Variants in NXNL2 observed in about 807,000 individuals in gnomAD.
NXNL2 encodes nucleoredoxin-like protein 2.
Under a neutral mutation model 11.1 loss-of-function variants are expected in NXNL2, and 7 were observed. That is an observed-to-expected ratio of 0.63 (90% confidence interval 0.36 to 1.18). The LOEUF (loss-of-function observed/expected upper bound fraction) is 1.18. NXNL2 is among the 50% of genes most tolerant of loss of function. The probability of loss-of-function intolerance (pLI) is 0.02; values close to 1 mark genes in which losing one functional copy is unlikely to be tolerated. For synonymous variants in NXNL2, 109 were observed against 101.8 expected (o/e 1.07, Z -0.42); for missense variants, 233 against 217.7 (o/e 1.07, Z -0.44).
chr9:88,568,127 C>T (rs1178137072), intron 1 of NXNL2, among the ~76,000 whole-genome samples: 1 of 152,186 alleles, frequency 6.6e-6, no homozygotes. Context: ...TAGAGATGAT[C>T]AAGTACACAG....
chr9:88,562,137 T>A (rs1201601522), intron 1 of NXNL2, among the ~76,000 whole-genome samples: 5 of 152,148 alleles, frequency 3.3e-5, no homozygotes, highest in African/African-American at 1.2e-4. Context: ...ACAATAGAGA[T>A]GAATCTCAAC....
rs888762407 is a variant in NXNL2 at position 88,535,185 on chromosome 9, G to T, written c.-250G>T. 5 of 527,246 alleles carry T rather than the reference G, an allele frequency of 9.5e-6. No individual in the cohort carries two copies. In the Admixed American group the frequency reaches 1.6e-4, roughly 16 times the overall value. 32.7% of individuals were successfully genotyped at this position (527,246 alleles called of 1,614,324 possible). A position where few individuals can be genotyped will look rare whatever the true frequency, so the allele number is the denominator to read the frequency against. On this transcript the variant is annotated 5_prime_UTR_variant, in exon 1 of 2. Coordinates refer to ENST00000375854, the MANE Select transcript of NXNL2 (RefSeq NM_001161625.2). Reference sequence around the variant, plus strand: ...CTGGCTGGCCCCGCTCCCAGAGGCGGGTGCCGCGCTGTCGCCCAGGTATCT... The same window carrying T: ...CTGGCTGGCCCCGCTCCCAGAGGCGTGTGCCGCGCTGTCGCCCAGGTATCT...
chr9:88,581,170 T>G (rs982854603), intron 1 of NXNL2, among the ~76,000 whole-genome samples: 1 of 152,208 alleles, frequency 6.6e-6, no homozygotes, highest in Non-Finnish European at 1.5e-5. Flanking sequence ...TGACTCACAG[T>G]GTCTGCCAAG....
intron 1 of NXNL2, among the ~76,000 whole-genome samples, chr9:88,559,587 G>A (rs1263595401): frequency 6.6e-6 from 1 of 152,206 alleles, no homozygotes; most frequent in African/African-American, 2.4e-5. Flanking sequence ...GGGGATTCAA[G>A]GGCCTAGGTG....
chr9:88,581,719 G>A (rs185287356), intron 1 of NXNL2, among the ~76,000 whole-genome samples: 60 of 152,318 alleles, frequency 3.9e-4, no homozygotes, highest in Admixed American at 1.8e-3. Context: ...GCCTCCCAAA[G>A]TGTTGGGATT....
intron 1 of NXNL2, among the ~76,000 whole-genome samples, chr9:88,564,285 TTATCTATC>T (rs71507766): frequency 0.017 from 2,322 of 140,212 alleles, 26 homozygotes; most frequent in African/African-American, 0.022. Flanking sequence ...TATCTATCTA[TTATCTATC>T]TATCTATCTA....
chr9:88,557,278 C>T (rs1190239690), intron 1 of NXNL2, among the ~76,000 whole-genome samples: 1 of 151,990 alleles, frequency 6.6e-6, no homozygotes, highest in Non-Finnish European at 1.5e-5. Flanking sequence ...GATTCTGAAC[C>T]TTTTGATTAT....
rs751922976 is a variant in NXNL2 at position 88,535,606 on chromosome 9, G to A, written c.172G>A (p.Glu58Lys). 1.1e-5 allele frequency: 18 copies of A among 1,608,992 alleles called. No individual in the cohort carries two copies. In the East Asian group the frequency reaches 3.8e-4, roughly 34 times the overall value. Residue 58 changes from glutamate (E) to lysine (K), a missense_variant, in exon 1 of 2, where the codon GAG (glutamate) becomes AAG (lysine). Coordinates refer to ENST00000375854, the MANE Select transcript of NXNL2 (RefSeq NM_001161625.2). ...LCDFYTALVA[E>K]ARRPAPFEVV... is the part of the protein sequence containing the mutation. The stretch of plus-strand genomic sequence containing the variant: ...CGACTTCTATACGGCGCTGGTGGCC[G>A]AGGCGCGGCGGCCCGCGCCCTTCGA...
intron 1 of NXNL2, among the ~76,000 whole-genome samples, chr9:88,542,243 A>G (rs1829776766): frequency 6.6e-6 from 1 of 151,464 alleles, no homozygotes; most frequent in Admixed American, 6.6e-5. Context: ...AAAAAACAAA[A>G]AAACAAAAAA....
At chr9:88,572,502 CAT>C (rs1179739216) in intron 2 of NXNL2, among the ~76,000 whole-genome samples, 19 of 152,308 alleles carry the variant, frequency 1.2e-4, no homozygotes, top group African/African-American at 4.1e-4. Flanking sequence ...GGTAGTCACA[CAT>C]GTGACGAATG....
intron 1 of NXNL2, among the ~76,000 whole-genome samples, chr9:88,568,465 A>T (rs1830210549): frequency 6.6e-6 from 1 of 152,154 alleles, no homozygotes; most frequent in Non-Finnish European, 1.5e-5. Flanking sequence ...GGTGCCACTG[A>T]AAAGACTGAG....
chr9:88,548,591 G>T (rs551898095), downstream of NXNL2, among the ~76,000 whole-genome samples: 11 of 151,048 alleles, frequency 7.3e-5, no homozygotes, highest in African/African-American at 2.4e-4. Flanking sequence ...AGGAGGCTGA[G>T]GTGGGAGGCT....
At chr9:88,537,716 C>T (rs1029494491) in intron 1 of NXNL2, among the ~76,000 whole-genome samples, 2 of 152,228 alleles carry the variant, frequency 1.3e-5, no homozygotes, top group East Asian at 1.9e-4. Context: ...CTCCAACTCT[C>T]CGGGGGTTTC....
chr9:88,538,040 T>C (rs532798832), intron 1 of NXNL2, among the ~76,000 whole-genome samples: 1 of 152,304 alleles, frequency 6.6e-6, no homozygotes, highest in East Asian at 1.9e-4. Context: ...CTTAAAGTCC[T>C]AAGTTATTAC....
chr9:88,554,296 C>T (rs1231547926), intron 1 of NXNL2, among the ~76,000 whole-genome samples: 1 of 152,198 alleles, frequency 6.6e-6, no homozygotes, highest in Admixed American at 6.5e-5. Context: ...ACCTCCACCT[C>T]CCACGTTCAA....
intron 1 of NXNL2, among the ~76,000 whole-genome samples, chr9:88,581,644 CG>C (rs1440036118): frequency 1.3e-5 from 2 of 152,092 alleles, no homozygotes; most frequent in Non-Finnish European, 2.9e-5. Context: ...TTAGTGGAGA[CG>C]GGGTTTCTCC....
intron 1 of NXNL2, among the ~76,000 whole-genome samples, chr9:88,541,310 G>A (rs1029751121): frequency 6.6e-6 from 1 of 151,498 alleles, no homozygotes; most frequent in Non-Finnish European, 1.5e-5. Flanking sequence ...ATCCAGGCTG[G>A]AGTGCAGTGG....
chr9:88,544,424 G>T lies in NXNL2; in HGVS notation c.348G>T (p.Val116=). 6.4e-7 allele frequency: 1 copy of T among 1,551,956 alleles called. No individual in the cohort carries two copies. The highest frequency in any genetic ancestry group is 8.7e-7 in the Non-Finnish European group (1 of 1,147,034). Residue 116 remains valine, a synonymous_variant, in exon 2 of 2, where the codon GTG becomes GTT. Coordinates refer to ENST00000375854, the MANE Select transcript of NXNL2 (RefSeq NM_001161625.2). Reference sequence around the variant, plus strand: ...ACGTCACAGCCATCCCCAAGCTTGTGATTGTGAAACAAAATGGGGAGGTCA... The same window carrying T: ...ACGTCACAGCCATCCCCAAGCTTGTTATTGTGAAACAAAATGGGGAGGTCA... ...RYNVTAIPKL[V]IVKQNGEVIT... is the part of the protein sequence containing the mutation.
intron 1 of NXNL2, among the ~76,000 whole-genome samples, chr9:88,560,651 C>A (rs1263530564): frequency 6.6e-6 from 1 of 152,140 alleles, no homozygotes; most frequent in African/African-American, 2.4e-5. Context: ...CATTGTAAAT[C>A]CCTGCTATTG....
Sources: allele counts gnomAD v4.1 joint callset (sites outside exome capture counted in the v4.1 genomes callset), GRCh38; gene constraint gnomAD v4.1.1; transcripts MANE v1.5; gene names NCBI Gene and HGNC (gene_info 2026-07-23, HGNC 2026-07-21).